Variants in ARID5B observed in about 807,000 individuals in gnomAD.
The protein encoded by ARID5B is AT-rich interactive domain-containing protein 5B.
ARID5B carries 13 observed loss-of-function variants against 97.2 expected under a neutral mutation model. The observed-to-expected ratio is 0.13, with a 90% CI of 0.09 to 0.21. The LOEUF is 0.21. Among genes scored for constraint, ARID5B ranks in the 10% least tolerant of loss-of-function variants. ARID5B has a pLI of 1.00. For synonymous variants in ARID5B, 556 were observed against 570.3 expected, an observed-to-expected ratio of 0.97 and a Z score of 0.36; for missense variants, 1,210 against 1,465.3, an observed-to-expected ratio of 0.83 and a Z score of 2.84.
rs1305479241 is a variant in ARID5B at position 62,090,935 on chromosome 10, C to T, written c.1472C>T (p.Ala491Val). ...AGCATCCCTGAGCCTCTCCCAGCAGCAGACATGAAGAAAAAAATAGAAGGG... is the reference window on the plus strand; with the variant it reads ...AGCATCCCTGAGCCTCTCCCAGCAGTAGACATGAAGAAAAAAATAGAAGGG... ...QKSIPEPLPA[A>V]DMKKKIEGYQ... is the part of the protein sequence containing the mutation. The change falls in exon 10 of 10, where the codon GCA (alanine) becomes GTA (valine). Residue 491 changes from alanine to valine, a missense_variant. Around this residue, in one of 8 missense-constraint regions of ARID5B, gnomAD observed 800 missense variants for 839.1 expected, o/e 0.95. Coordinates refer to ENST00000279873, the MANE Select transcript of ARID5B (RefSeq NM_032199.3). The T allele has an allele frequency of 6.2e-7, 1 of 1,613,948 alleles. No homozygotes were observed. The highest frequency in any genetic ancestry group is 2.2e-5 in the East Asian group (1 of 44,884).
At position 62,091,675 on chromosome 10, in the gene ARID5B, G is replaced by A. The variant is rs963756003; in HGVS notation, c.2212G>A (p.Gly738Ser). The A allele has an allele frequency of 4.3e-6, 7 of 1,613,978 alleles. No homozygotes were observed. The highest frequency in any genetic ancestry group is 1.1e-5 in the South Asian group (1 of 91,080). ...TTCCAGTTTGTCCCAGACCCACCAT[G>A]GCCAAAGCACTGACCATATGGCGGT... is the stretch of plus-strand genomic sequence containing the variant. Reference protein sequence around the residue: ...LCSSLSQTHHGQSTDHMAVSR... With the variant: ...LCSSLSQTHHSQSTDHMAVSR... The change falls in exon 10 of 10, where the codon GGC becomes AGC. Residue 738 changes from glycine (G) to serine (S), a missense_variant. Physicochemically the swap from Gly to Ser is moderately conservative, Grantham distance 56. This residue lies in a region of ARID5B where 800 missense variants were observed against 839.1 expected (regional missense o/e 0.95). Coordinates refer to ENST00000279873, the MANE Select transcript of ARID5B (RefSeq NM_032199.3).
chr10:61,931,608 G>C (rs111533485), intron 2 of ARID5B, among the ~76,000 whole-genome samples: 3 of 152,224 alleles, frequency 2.0e-5, no homozygotes, highest in African/African-American at 7.2e-5. Flanking sequence ...CCACATATCT[G>C]ACAAAAAGTT....
At chr10:62,020,189 A>G (rs1158651964) in intron 4 of ARID5B, among the ~76,000 whole-genome samples, 1 of 152,188 alleles carries the variant, frequency 6.6e-6, no homozygotes, top group Non-Finnish European at 1.5e-5. Flanking sequence ...TCCAAATACT[A>G]TGCATATTTT....
At chr10:61,968,526 C>G (rs1258018388) in intron 3 of ARID5B, among the ~76,000 whole-genome samples, 1 of 151,930 alleles carries the variant, frequency 6.6e-6, no homozygotes, top group Non-Finnish European at 1.5e-5. Flanking sequence ...TTTCCAAAGT[C>G]TAAAAATGAA....
intron 3 of ARID5B, among the ~76,000 whole-genome samples, chr10:61,972,986 A>T (rs1193526925): frequency 6.6e-6 from 1 of 152,226 alleles, no homozygotes; most frequent in Non-Finnish European, 1.5e-5. Context: ...ACAGACTTGT[A>T]CTTTCTGTGC....
chr10:61,964,562 A>G (rs948836636), intron 3 of ARID5B, among the ~76,000 whole-genome samples: 1 of 152,378 alleles, frequency 6.6e-6, no homozygotes, highest in Non-Finnish European at 1.5e-5. Flanking sequence ...GGCCTAAGGA[A>G]TTGAATACTC....
chr10:61,988,223 G>A (rs1002059101), intron 3 of ARID5B, among the ~76,000 whole-genome samples: 2 of 152,202 alleles, frequency 1.3e-5, no homozygotes, highest in African/African-American at 4.8e-5. Context: ...GGTTTCATAA[G>A]TATCTCTTTC....
At chr10:61,937,436 T>C (rs896362645) in intron 2 of ARID5B, among the ~76,000 whole-genome samples, 1 of 152,108 alleles carries the variant, frequency 6.6e-6, no homozygotes, top group African/African-American at 2.4e-5. Context: ...TTTTGGACAA[T>C]GGTAGAAACT....
chr10:62,042,053 G>A (rs1839645065), intron 4 of ARID5B, among the ~76,000 whole-genome samples: 1 of 152,062 alleles, frequency 6.6e-6, no homozygotes, highest in Non-Finnish European at 1.5e-5. Context: ...CAGAAATTGT[G>A]GAAATCAAAA....
chr10:62,024,882 C>T (rs769851123), intron 4 of ARID5B: 5 of 354,538 alleles, frequency 1.4e-5, no homozygotes, highest in African/African-American at 2.1e-5. Context: ...ACCAAAGACA[C>T]TTAGGAATAG....
chr10:62,008,498 TAG>T (rs968875899), intron 4 of ARID5B, among the ~76,000 whole-genome samples: 3 of 152,292 alleles, frequency 2.0e-5, no homozygotes, highest in African/African-American at 7.2e-5. Flanking sequence ...AGGATTTAAA[TAG>T]AGAGATTGGC....
intron 8 of ARID5B, among the ~76,000 whole-genome samples, chr10:62,076,532 G>A (rs1252728617): frequency 7.5e-6 from 1 of 133,140 alleles, no homozygotes; most frequent in Non-Finnish European, 1.6e-5. Flanking sequence ...ACCGCACTCC[G>A]GTCTGGGCTA....
intron 2 of ARID5B, among the ~76,000 whole-genome samples, chr10:61,924,285 T>C (rs1281230612): frequency 6.6e-6 from 1 of 152,200 alleles, no homozygotes; most frequent in African/African-American, 2.4e-5. Flanking sequence ...ACCACAGTCG[T>C]TGAACAGGAG....
chr10:62,036,999 T>G (rs1400789173), intron 4 of ARID5B, among the ~76,000 whole-genome samples: 1 of 152,234 alleles, frequency 6.6e-6, no homozygotes, highest in East Asian at 1.9e-4. Context: ...GGTTCCAGAT[T>G]CATGTGAAAA....
At chr10:61,915,065 A>G (rs1360326633) in intron 2 of ARID5B, among the ~76,000 whole-genome samples, 4 of 152,162 alleles carry the variant, frequency 2.6e-5, no homozygotes, top group Non-Finnish European at 4.4e-5. Flanking sequence ...CTCTTTAGGG[A>G]CTTGCACAGT....
intron 3 of ARID5B, among the ~76,000 whole-genome samples, chr10:61,971,904 G>A (rs1007646849): frequency 6.6e-6 from 1 of 152,094 alleles, no homozygotes; most frequent in Non-Finnish European, 1.5e-5. Context: ...ACAAAAACAT[G>A]AAAGTTTGGT....
At position 62,093,651 on chromosome 10, in the gene ARID5B, C is replaced by CTTTTTTTTTTTTTTTT. The variant is rs57902062; in HGVS notation, c.*633_*648dup. Reference sequence around the variant, plus strand: ...CCATTTTCTCCCAGTTCCTTCTCGTCTTTTTTTTTTTTTTTTTTTTTTTTT... The same window carrying CTTTTTTTTTTTTTTTT: ...CCATTTTCTCCCAGTTCCTTCTCGTCTTTTTTTTTTTTTTTTTTTTTTTTTTTTTTTTTTTTTTTTT... On this transcript the variant is annotated 3_prime_UTR_variant, in exon 10 of 10. Transcript: ENST00000279873. 1.3e-5 allele frequency: 1 copy of CTTTTTTTTTTTTTTTT among 78,674 alleles called. No homozygotes were observed. The highest frequency in any genetic ancestry group is 8.2e-5 in the African/African-American group (1 of 12,224). 4.9% of individuals were successfully genotyped at this position (78,674 alleles called of 1,614,324 possible).
chr10:61,978,873 C>T (rs192217526), intron 3 of ARID5B, among the ~76,000 whole-genome samples: 123 of 152,214 alleles, frequency 8.1e-4, no homozygotes, highest in African/African-American at 2.9e-3. Flanking sequence ...GCCTGATTGC[C>T]CTGGCCAGAA....
At chr10:62,078,832 G>T (rs1437224730) in intron 8 of ARID5B, among the ~76,000 whole-genome samples, 1 of 152,160 alleles carries the variant, frequency 6.6e-6, no homozygotes, top group African/African-American at 2.4e-5. Flanking sequence ...CTTGGGCTTG[G>T]TAAGATTAAG....
Sources: gnomAD v4.1 joint callset for allele counts (sites outside exome capture counted in the v4.1 genomes callset) on GRCh38, gnomAD v4.1.1 for gene constraint, gnomAD v4.1.1 regional missense constraint, MANE v1.5 for transcripts, NCBI Gene and HGNC (gene_info 2026-07-23, HGNC 2026-07-21) for gene names.